The following NPIPB2 variants were observed in gnomAD, a reference collection of about 807,000 sequenced individuals.
NPIPB2 encodes the protein nuclear pore complex-interacting protein family member B2.
Under a neutral mutation model 30.8 loss-of-function variants are expected in NPIPB2, and 27 were observed. The ratio of observed to expected loss-of-function variants is 0.88; its 90% CI spans 0.65 to 1.21. The LOEUF (loss-of-function observed/expected upper bound fraction) is 1.21. Ranked by LOEUF, NPIPB2 falls within the 50% of genes most tolerant of loss-of-function variation. The pLI is 0.00. For synonymous variants in NPIPB2, 147 were observed against 162.0 expected (o/e 0.91, Z 0.70); for missense variants, 440 against 446.2 (o/e 0.99, Z 0.13).
At chr16:11,966,824 A>T (rs11570152) in intron 1 of NPIPB2, among the ~76,000 whole-genome samples, 21,546 of 150,600 alleles carry the variant, frequency 0.14, 1,624 homozygotes, top group South Asian at 0.2. Flanking sequence ...TTGAGGAATC[A>T]TCTAAAAAAT....
intron 1 of NPIPB2, among the ~76,000 whole-genome samples, chr16:11,973,020 C>T (rs982354755): frequency 1.3e-5 from 2 of 151,510 alleles, no homozygotes; most frequent in African/African-American, 2.4e-5. Flanking sequence ...ATTAGCCGGG[C>T]GCGGTGGCAC....
At chr16:11,958,619 C>T (rs571184111) in intron 1 of NPIPB2, among the ~76,000 whole-genome samples, 53 of 152,080 alleles carry the variant, frequency 3.5e-4, no homozygotes, top group African/African-American at 1.2e-3. Flanking sequence ...CATGTGCCTG[C>T]AGTCCCGGCT....
upstream of NPIPB2, among the ~76,000 whole-genome samples, chr16:11,944,367 G>A (rs529730955): frequency 6.6e-6 from 1 of 151,728 alleles, no homozygotes; most frequent in South Asian, 2.1e-4. Context: ...GGGGTTTCAC[G>A]ATGTTGCCAG....
At chr16:11,927,287 T>G, downstream of NPIPB2, 1 of 715,224 alleles carries the variant, frequency 1.4e-6, no homozygotes, top group Admixed American at 2.3e-5. Flanking sequence ...TATTTATTTA[T>G]TCTTTGTTAG....
At chr16:11,966,295 A>G in intron 1 of NPIPB2, 8 of 1,614,030 alleles carry the variant, frequency 5.0e-6, no homozygotes, top group Non-Finnish European at 5.9e-6. Context: ...TGTTTTTGCT[A>G]AGGAAGATAA....
chr16:11,941,626 C>A (rs1442150207), intron 1 of NPIPB2, among the ~76,000 whole-genome samples: 1 of 151,916 alleles, frequency 6.6e-6, no homozygotes, highest in Non-Finnish European at 1.5e-5. Context: ...CTGCTATCCA[C>A]CAAACCTTCT....
chr16:11,956,455 C>T (rs2055113609), intron 1 of NPIPB2, among the ~76,000 whole-genome samples: 1 of 152,162 alleles, frequency 6.6e-6, no homozygotes, highest in Admixed American at 6.5e-5. Flanking sequence ...GCGGGCAGAT[C>T]ACCTGAGGTC....
At chr16:11,967,516 A>G in intron 1 of NPIPB2, 1 of 1,564,746 alleles carries the variant, frequency 6.4e-7, no homozygotes, top group Non-Finnish European at 8.7e-7. Context: ...TAAGACTCTC[A>G]TGACCACATT....
chr16:11,941,359 G>T (rs1390105132), intron 1 of NPIPB2: 14 of 280,122 alleles, frequency 5.0e-5, no homozygotes, highest in Non-Finnish European at 1.3e-5. Context: ...AGGGGGAGGG[G>T]AGGGGGAGGG....
chr16:11,965,653 T>C (rs11570143), intron 1 of NPIPB2, among the ~76,000 whole-genome samples: 3,126 of 152,284 alleles, frequency 0.021, 91 homozygotes, highest in African/African-American at 0.071. Context: ...TTCAGCACTA[T>C]TAGCAACATA....
intron 1 of NPIPB2, among the ~76,000 whole-genome samples, chr16:11,940,027 G>C (rs1183974227): frequency 1.1e-4 from 7 of 62,050 alleles, no homozygotes; most frequent in African/African-American, 1.6e-4. Flanking sequence ...GCTGGGAAGA[G>C]TGAGAGTTCA....
At chr16:11,968,992 G>A (rs11570165) in intron 1 of NPIPB2, among the ~76,000 whole-genome samples, 1 of 151,222 alleles carries the variant, frequency 6.6e-6, no homozygotes, top group East Asian at 1.9e-4. Flanking sequence ...TCAGCCTCCC[G>A]AGTAGCTGGG....
At chr16:11,946,427 C>T (rs904027850), upstream of NPIPB2, among the ~76,000 whole-genome samples, 10 of 148,770 alleles carry the variant, frequency 6.7e-5, no homozygotes, top group Non-Finnish European at 1.0e-4. Context: ...ATTAGCCAGG[C>T]GCAGTGGTGT....
chr16:11,937,639 A>G (rs758372490), exon 2 of NPIPB2: 2 of 1,599,244 alleles, frequency 1.3e-6, no homozygotes, highest in Admixed American at 1.7e-5. Flanking sequence ...CAGTCCCACG[A>G]TGATGATGGT....
intron 1 of NPIPB2, among the ~76,000 whole-genome samples, chr16:11,963,497 G>A (rs1183217627): frequency 6.6e-6 from 1 of 151,856 alleles, no homozygotes; most frequent in Non-Finnish European, 1.5e-5. Context: ...AAAGTGTAAA[G>A]AATAAGAAAA....
chr16:11,961,671 T>C (rs2150936265), intron 1 of NPIPB2, among the ~76,000 whole-genome samples: 1 of 150,504 alleles, frequency 6.6e-6, no homozygotes, highest in Non-Finnish European at 1.5e-5. Context: ...TCCCAGCTAC[T>C]AGGGAGGCTG....
At chr16:11,953,869 T>G (rs1435225842) in intron 1 of NPIPB2, among the ~76,000 whole-genome samples, 1 of 151,786 alleles carries the variant, frequency 6.6e-6, no homozygotes, top group African/African-American at 2.4e-5. Context: ...AGAGACGGGA[T>G]TTCACCACGT....
chr16:11,947,104 TTA>T (rs1325761867), intron 1 of NPIPB2, among the ~76,000 whole-genome samples: 3 of 146,086 alleles, frequency 2.1e-5, no homozygotes, highest in Non-Finnish European at 4.5e-5. Flanking sequence ...TAAAATTCAA[TTA>T]TATATATTTT....
chr16:11,940,597 C>T (rs1395611132), intron 1 of NPIPB2, among the ~76,000 whole-genome samples: 5 of 135,182 alleles, frequency 3.7e-5, no homozygotes, highest in Admixed American at 2.5e-4. Flanking sequence ...ATTAGCCAGG[C>T]GTGGTGGTCT....
Sources: allele counts gnomAD v4.1 joint callset (sites outside exome capture counted in the v4.1 genomes callset), GRCh38; gene constraint gnomAD v4.1.1; transcripts MANE v1.5; gene names NCBI Gene and HGNC (gene_info 2026-07-23, HGNC 2026-07-21).